The following GUCY1A1 variants were observed in gnomAD, a reference collection of about 807,000 sequenced individuals.
GUCY1A1 encodes guanylate cyclase 1 soluble subunit alpha 1, also known as guanylate cyclase soluble subunit alpha-1.
A neutral mutation model predicts 64.5 loss-of-function variants in GUCY1A1; 48 were observed. The observed-to-expected ratio is 0.74, with a 90% CI of 0.59 to 0.95. The LOEUF is 0.95. GUCY1A1 is among the 40% of genes least tolerant of loss of function. The pLI is 0.00. For missense variants in GUCY1A1, 804 were observed against 825.3 expected (o/e 0.97, Z 0.32); for synonymous variants, 308 against 303.4 (o/e 1.02, Z -0.16).
intron 2 of GUCY1A1, among the ~76,000 whole-genome samples, chr4:155,687,871 T>C (rs774731626): frequency 1.3e-4 from 20 of 152,082 alleles, no homozygotes; most frequent in Admixed American, 2.6e-4. Context: ...CTCCAAATTA[T>C]GAAGTCTCTG....
In GUCY1A1 at chr4:155,708,305, T is replaced by C; in HGVS notation, c.376+11T>C. 6.9e-7 allele frequency: 1 copy of C among 1,448,170 alleles called. No individual in the cohort carries two copies. The highest frequency in any genetic ancestry group is 2.3e-5 in the East Asian group (1 of 44,040). The allele number at this position is 1,448,170 out of a possible 1,614,324, so 89.7% of individuals were successfully genotyped here. A position where few individuals can be genotyped will look rare whatever the true frequency, so the allele number is the denominator to read the frequency against. On this transcript the variant is annotated intron_variant, in intron 5 of 9. Transcript: ENST00000506455. ...AAGCAGTTGCAGCAGGTAATAGAAT[T>C]GTTTATGTAATTAGAAAGTATGCCA... is the stretch of plus-strand genomic sequence containing the variant.
intron 2 of GUCY1A1, among the ~76,000 whole-genome samples, chr4:155,695,589 A>G (rs1338503372): frequency 6.6e-6 from 1 of 152,320 alleles, no homozygotes; most frequent in Middle Eastern, 3.4e-3. Flanking sequence ...TTGGCTTTGG[A>G]GTCAGCTGAA....
chr4:155,713,411 G>A lies in GUCY1A1; in HGVS notation c.1400G>A (p.Trp467Ter). The A allele has an allele frequency of 1.2e-6, 2 of 1,614,154 alleles. No homozygotes were observed. The highest frequency in any genetic ancestry group is 1.7e-6 in the Non-Finnish European group (2 of 1,180,018). ...CCCTGTGAGGTTGCTCAGCAGCTGT[G>A]GCAAGGGCAAGTTGTGCAAGCCAAG... ...IFPCEVAQQL[W>*]QGQVVQAKKF... Residue 467 changes from tryptophan to a stop codon, truncating the protein, a stop_gained, in exon 7 of 10, where the codon TGG becomes TAG. Transcript: ENST00000506455. LOFTEE classifies it high-confidence loss of function.
rs143825755 is a variant in GUCY1A1 at position 155,702,500 on chromosome 4, C to T, written c.256-1432C>T. Among the ~76,000 whole-genome samples the T allele has an allele frequency of 2.8e-3, 424 of 152,258 alleles. 1 individual carries two copies. Among genetic ancestry groups the T allele is most frequent in the Non-Finnish European group, 5.0e-3 (342 of 68,010 alleles). ...TGTCTAGGAAATATGCCCATAGTTT[C>T]TTTCTTGAACATGTTTCTCAACTGC... On this transcript the variant is annotated intron_variant, in intron 3 of 9. Transcript: ENST00000506455.
rs111517203 is a variant in GUCY1A1, at chr4:155,688,243, A to AC, written c.-112-8513_-112-8512insC. Among the ~76,000 whole-genome samples the AC allele has an allele frequency of 6.2e-3, 926 of 149,256 alleles. 12 individuals are homozygous for AC. Among genetic ancestry groups the AC allele is most frequent in the African/African-American group, 0.016 (659 of 40,942 alleles). On this transcript the variant is annotated intron_variant, in intron 2 of 9. Coordinates refer to ENST00000506455, the MANE Select transcript of GUCY1A1 (RefSeq NM_001130682.3). The stretch of plus-strand genomic sequence containing the variant: ...ACTCCTCAAACAAACAAACAAACAA[A>AC]AAAAAAAAAAAACTCATCATTACAG...
In GUCY1A1 at chr4:155,722,354, C is replaced by T. The variant is rs115121080; in HGVS notation, c.1871+162C>T. The T allele has an allele frequency of 4.8e-4, 687 of 1,425,990 alleles. 8 individuals carry two copies. In the African/African-American group the frequency reaches 9.1e-3, roughly 19 times the overall value. The allele number at this position is 1,425,990 out of a possible 1,614,324, so 88.3% of individuals were successfully genotyped here. On this transcript the variant is annotated intron_variant, in intron 9 of 9. Coordinates refer to ENST00000506455, the MANE Select transcript of GUCY1A1 (RefSeq NM_001130682.3). ...TCATCCTCACTTTAACTTTTTTACA[C>T]TGCTTATTAGCCTCCTAAGAATGAC...
chr4:155,721,922 A>G, intron 8 of GUCY1A1, 116 bp from the exon 9 acceptor site: 2 of 740,340 alleles, frequency 2.7e-6, no homozygotes, highest in Middle Eastern at 2.4e-4. Flanking sequence ...TTTTGAGGAA[A>G]GGGGTGGTGT....
chr4:155,700,710 A>G (rs1289539844), intron 3 of GUCY1A1, among the ~76,000 whole-genome samples: 1 of 152,190 alleles, frequency 6.6e-6, no homozygotes, highest in Non-Finnish European at 1.5e-5. Flanking sequence ...TCCACAATCT[A>G]CAATACTTCA....
chr4:155,712,076 AG>A, intron 6 of GUCY1A1, among the ~76,000 whole-genome samples: 1 of 152,278 alleles, frequency 6.6e-6, no homozygotes, highest in African/African-American at 2.4e-5. Context: ...CATTAGATAT[AG>A]GTCTATTTGG....
intron 3 of GUCY1A1, among the ~76,000 whole-genome samples, chr4:155,697,604 C>A (rs1048375694): frequency 2.0e-5 from 3 of 152,322 alleles, no homozygotes; most frequent in East Asian, 3.9e-4. Flanking sequence ...CATACGTCCC[C>A]TGCCAGTTTT....
rs568882069 is a variant in GUCY1A1 at position 155,674,077 on chromosome 4, C to A, written c.-113+6658C>A. Among the ~76,000 whole-genome samples, 43 of 151,196 alleles carry A rather than the reference C, an allele frequency of 2.8e-4. 3 individuals are homozygous for A. The highest frequency in any genetic ancestry group is 1.1e-3 in the African/African-American group (43 of 40,572). On this transcript the variant is annotated intron_variant, in intron 2 of 9. Coordinates refer to ENST00000506455, the MANE Select transcript of GUCY1A1 (RefSeq NM_001130682.3). The stretch of plus-strand genomic sequence containing the variant: ...ACTCAGTGAAAACGTGTGCTATGGC[C>A]GGGCGTGGTGGCTCACGCCTGTAAT...
intron 8 of GUCY1A1, among the ~76,000 whole-genome samples, chr4:155,721,447 T>C (rs1579114643): frequency 6.6e-6 from 1 of 152,152 alleles, no homozygotes; most frequent in Non-Finnish European, 1.5e-5. Flanking sequence ...GTCATCGTCA[T>C]TGGACTCAAG....
At chr4:155,729,441 T>A (rs1225574266) in intron 9 of GUCY1A1, among the ~76,000 whole-genome samples, 3 of 151,868 alleles carry the variant, frequency 2.0e-5, no homozygotes, top group African/African-American at 7.2e-5. Flanking sequence ...AAAATATTGC[T>A]AATAACAATT....
In GUCY1A1 at chr4:155,713,241, G is replaced by A. The variant is rs749543928; in HGVS notation, c.1230G>A (p.Arg410=). Residue 410 remains arginine (R), a synonymous_variant, in exon 7 of 10, where the codon AGG becomes AGA. Coordinates refer to ENST00000506455, the MANE Select transcript of GUCY1A1 (RefSeq NM_001130682.3). ...LSDIPIHNAL[R]DVVLIGEQAR... The stretch of plus-strand genomic sequence containing the variant: ...ACATCCCAATTCACAATGCACTGAG[G>A]GATGTGGTCTTAATAGGGGAACAAG... 1 of 1,614,116 alleles carries A rather than the reference G, an allele frequency of 6.2e-7. No homozygotes were observed. Among genetic ancestry groups the A allele is most frequent in the South Asian group, 1.1e-5 (1 of 91,076 alleles).
chr4:155,667,297 C>G (rs1733440755), intron 1 of GUCY1A1, 49 bp from the exon 2 acceptor site: 2 of 152,338 alleles, frequency 1.3e-5, no homozygotes, highest in South Asian at 4.1e-4. Flanking sequence ...TCCCCTCTCC[C>G]GCTCACTGCC....
At position 155,698,831 on chromosome 4, in the gene GUCY1A1, T is replaced by G. The variant is rs1378109354; in HGVS notation, c.255+1709T>G. ...ATTTGCTGATTCTTTGGCTTAAGTC[T>G]GCTGTTAATGCTTTCCATTGAGTTT... On this transcript the variant is annotated intron_variant, in intron 3 of 9. Transcript: ENST00000506455. 2.6e-5 allele frequency among the ~76,000 whole-genome samples: 4 copies of G among 152,182 alleles called. No individual in the cohort carries two copies. In the South Asian group the frequency reaches 8.3e-4, roughly 32 times the overall value.
At position 155,696,748 on chromosome 4, in the gene GUCY1A1, G is replaced by C; in HGVS notation, c.-112-8G>C. On this transcript the variant is annotated splice_region_variant and splice_polypyrimidine_tract_variant and intron_variant, in intron 2 of 9. Transcript: ENST00000506455. ...CCTCTTTCTGTTCTGACTTTTTGCTGTCCATAGACATCCCAGTTACCAGTG... is the reference window on the plus strand; with the variant it reads ...CCTCTTTCTGTTCTGACTTTTTGCTCTCCATAGACATCCCAGTTACCAGTG... The C allele has an allele frequency of 1.1e-6, 1 of 874,228 alleles. No individual in the cohort carries two copies. Among genetic ancestry groups the C allele is most frequent in the South Asian group, 1.7e-5 (1 of 58,348 alleles). 54.2% of individuals were successfully genotyped at this position (874,228 alleles called of 1,614,324 possible).
intron 7 of GUCY1A1, among the ~76,000 whole-genome samples, chr4:155,716,500 T>C (rs1425678888): frequency 6.6e-6 from 1 of 152,192 alleles, no homozygotes; most frequent in African/African-American, 2.4e-5. Flanking sequence ...AGGTTAATAC[T>C]TAGATTTTTG....
intron 2 of GUCY1A1, among the ~76,000 whole-genome samples, chr4:155,695,129 T>C (rs1279699873): frequency 6.6e-6 from 1 of 152,228 alleles, no homozygotes; most frequent in Non-Finnish European, 1.5e-5. Context: ...AACAGAGCCT[T>C]GGCAGCTTCT....
Sources: allele counts gnomAD v4.1 joint callset (sites outside exome capture counted in the v4.1 genomes callset), GRCh38; gene constraint gnomAD v4.1.1; transcripts MANE v1.5; gene names NCBI Gene and HGNC (gene_info 2026-07-23, HGNC 2026-07-21).